The following IKBKE variants were observed in gnomAD, a reference collection of about 807,000 sequenced individuals.
IKBKE encodes inhibitor of nuclear factor kappa B kinase subunit epsilon, also known as inhibitor of nuclear factor kappa-B kinase subunit epsilon.
Under a neutral mutation model 92.1 loss-of-function variants are expected in IKBKE, and 45 were observed. The ratio of observed to expected loss-of-function variants is 0.49; its 90% CI spans 0.38 to 0.63. IKBKE has a LOEUF of 0.63. Among genes scored for constraint, IKBKE ranks in the 20% least tolerant of loss-of-function variants. The probability of loss-of-function intolerance (pLI) is 0.00; values close to 1 mark genes in which losing one functional copy is unlikely to be tolerated. For synonymous variants in IKBKE, 374 were observed against 380.3 expected, an observed-to-expected ratio of 0.98 and a Z score of 0.19; for missense variants, 700 against 932.8, an observed-to-expected ratio of 0.75 and a Z score of 3.25.
At chr1:206,479,201 T>G in intron 10 of IKBKE, 68 bp downstream of exon 10, 1 of 1,283,334 alleles carries the variant, frequency 7.8e-7, no homozygotes, top group Non-Finnish European at 1.1e-6. Context: ...GAGTTTGCAA[T>G]CCAGGCCATT....
Position 206,476,251 on chromosome 1 carries a change from C to G in IKBKE, c.429C>G (p.Arg143=). The G allele has an allele frequency of 2.5e-6, 4 of 1,614,120 alleles. No individual in the cohort carries two copies. The highest frequency in any genetic ancestry group is 3.4e-6 in the Non-Finnish European group (4 of 1,179,996). The part of the protein sequence containing the change: ...HRDIKPGNIM[R]LVGEEGQSIY... The stretch of plus-strand genomic sequence containing the variant: ...ACATCAAGCCGGGGAACATCATGCG[C>G]CTCGTAGGGGAGGAGGGGCAGAGCA... The change falls in exon 6 of 22, where the codon CGC becomes CGG. Residue 143 remains arginine (R), a synonymous_variant. Transcript: ENST00000581977. This position sits in a 1 kb window ranked among gnomAD's most constrained non-coding sequence, Gnocchi z 5.1.
chr1:206,492,715 T>C, intron 18 of IKBKE: 1 of 546,394 alleles, frequency 1.8e-6, no homozygotes, highest in Non-Finnish European at 3.6e-6. Context: ...TCTGCCTCTC[T>C]GCAGCCTGAC....
chr1:206,478,870 T>G lies in IKBKE; in HGVS notation c.993-73T>G. On this transcript the variant is annotated intron_variant, in intron 9 of 21. Coordinates refer to ENST00000581977, the MANE Select transcript of IKBKE (RefSeq NM_014002.4). The surrounding 1 kb of genome is among the most constrained non-coding windows in gnomAD (Gnocchi z 4.8). ...TCTATGGGCAACGCTTAGCTGGGGC[T>G]TAGGTCACCCTAGCCCCCTGCCTTG... 8.6e-7 allele frequency: 1 copy of G among 1,168,190 alleles called. No individual in the cohort carries two copies. Among genetic ancestry groups the G allele is most frequent in the East Asian group, 2.3e-5 (1 of 42,830 alleles). 72.4% of individuals were successfully genotyped at this position (1,168,190 alleles called of 1,614,324 possible). A position where few individuals can be genotyped will look rare whatever the true frequency, so the allele number is the denominator to read the frequency against.
rs936095750 is a variant in IKBKE, at chr1:206,485,693, T to A, written c.1616+387T>A. ...TAATGATGCTATGATAATGCCCTTT[T>A]TATAGAACCTCAGTCAGTGAGGTTA... On this transcript the variant is annotated intron_variant, in intron 15 of 21. Transcript: ENST00000581977. The surrounding 1 kb of genome is among the most constrained non-coding windows in gnomAD (Gnocchi z 5.0). Among the ~76,000 whole-genome samples the A allele has an allele frequency of 6.6e-6, 1 of 152,232 alleles. No individual in the cohort carries two copies. Among genetic ancestry groups the A allele is most frequent in the African/African-American group, 2.4e-5 (1 of 41,454 alleles).
Position 206,479,090 on chromosome 1 carries a change from C to A in IKBKE, c.1140C>A (p.Thr380=), listed in dbSNP as rs1665226829. ...IAHTTASSPL[T]LFSTAIPKGL... ...ACACGACGGCAAGCAGCCCCCTGACCCTCTTCAGCACAGCCATCCCTAAGG... is the reference window on the plus strand; with the variant it reads ...ACACGACGGCAAGCAGCCCCCTGACACTCTTCAGCACAGCCATCCCTAAGG... The change falls in exon 10 of 22, where the codon ACC becomes ACA. Residue 380 remains threonine (T), a synonymous_variant. Coordinates refer to ENST00000581977, the MANE Select transcript of IKBKE (RefSeq NM_014002.4). 1.2e-6 allele frequency: 2 copies of A among 1,612,880 alleles called. No homozygotes were observed. The highest frequency in any genetic ancestry group is 2.2e-5 in the South Asian group (2 of 91,018).
chr1:206,479,061 G>A lies in IKBKE; in HGVS notation c.1111G>A (p.Ala371Thr), dbSNP rs17021877. 34,197 of 1,613,680 alleles carry A rather than the reference G, an allele frequency of 0.021. 594 individuals are homozygous for A. The highest frequency in any genetic ancestry group is 0.053 in the South Asian group (4,791 of 91,062). ...LEPSVSAQHI[A>T]HTTASSPLTL... is the part of the protein sequence containing the mutation. ...GCCCAGCGTCTCAGCACAGCACATC[G>A]CCCACACGACGGCAAGCAGCCCCCT... The change falls in exon 10 of 22, where the codon GCC becomes ACC. Residue 371 changes from alanine to threonine, a missense_variant. Transcript: ENST00000581977.
At position 206,493,530 on chromosome 1, in the gene IKBKE, G is replaced by A. The variant is rs1666061851; in HGVS notation, c.2045+152G>A. On this transcript the variant is annotated intron_variant, in intron 20 of 21. Transcript: ENST00000581977. ...TAGCTGGGTGCGGTGGCTCACACCTGTAATCCCAGCACTTTGAGAGGCCAA... is the reference window on the plus strand; with the variant it reads ...TAGCTGGGTGCGGTGGCTCACACCTATAATCCCAGCACTTTGAGAGGCCAA... 10 of 620,872 alleles carry A rather than the reference G, an allele frequency of 1.6e-5. No homozygotes were observed. In the South Asian group the frequency reaches 2.0e-4, roughly 13 times the overall value. 38.5% of individuals were successfully genotyped at this position (620,872 alleles called of 1,614,324 possible). A position where few individuals can be genotyped will look rare whatever the true frequency, so the allele number is the denominator to read the frequency against.
At position 206,479,862 on chromosome 1, in the gene IKBKE, G is replaced by T. The variant is rs782312470; in HGVS notation, c.1184-8G>T. The stretch of plus-strand genomic sequence containing the variant: ...GGCAGGCCCCTCAGACAGGGTCTTT[G>T]TCTGCAGCTGCTCTGGACGTCCCCA... On this transcript the variant is annotated splice_polypyrimidine_tract_variant and splice_region_variant and intron_variant, in intron 10 of 21. Coordinates refer to ENST00000581977, the MANE Select transcript of IKBKE (RefSeq NM_014002.4). The T allele has an allele frequency of 4.3e-6, 7 of 1,613,616 alleles. No individual in the cohort carries two copies. Among genetic ancestry groups the T allele is most frequent in the Non-Finnish European group, 5.9e-6 (7 of 1,179,928 alleles).
In IKBKE at chr1:206,474,471, G is replaced by T. The variant is rs782138160; in HGVS notation, c.228G>T (p.Thr76=). Reference sequence around the variant, plus strand: ...TCAAGCTCTTTGCGGTGGAGGAGACGGTAGGTCCGGTGCTTGGTCAGAGAA... The same window carrying T: ...TCAAGCTCTTTGCGGTGGAGGAGACTGTAGGTCCGGTGCTTGGTCAGAGAA... ...NIVKLFAVEE[T]GGSRQKVLVM... is the part of the protein sequence containing the mutation. Residue 76 remains threonine (T), a splice_region_variant and synonymous_variant, in exon 4 of 22, where the codon ACG becomes ACT. Transcript: ENST00000581977. 6.2e-7 allele frequency: 1 copy of T among 1,612,096 alleles called. No homozygotes were observed. Among genetic ancestry groups the T allele is most frequent in the South Asian group, 1.1e-5 (1 of 90,726 alleles).
In IKBKE at chr1:206,490,792, G is replaced by T; in HGVS notation, c.1694-27G>T. 1 of 1,612,584 alleles carries T rather than the reference G, an allele frequency of 6.2e-7. No homozygotes were observed. The highest frequency in any genetic ancestry group is 1.1e-5 in the South Asian group (1 of 91,046). ...TGTTTCGTTGACTGATTGAATAGGT[G>T]ACATCTGTTCTGTCTGTTTCCTCCA... On this transcript the variant is annotated intron_variant, in intron 16 of 21. Transcript: ENST00000581977. The surrounding 1 kb of genome is among the most constrained non-coding windows in gnomAD (Gnocchi z 5.2).
At chr1:206,472,801 T>C in intron 2 of IKBKE, 1 of 251,484 alleles carries the variant, frequency 4.0e-6, no homozygotes. Context: ...TCCTATACTG[T>C]TTCTGTTTCC....
chr1:206,494,390 G>A (rs1379463895), intron 21 of IKBKE, among the ~76,000 whole-genome samples: 3 of 152,050 alleles, frequency 2.0e-5, no homozygotes, highest in East Asian at 3.9e-4. Context: ...CCTTGGATAC[G>A]ATGCCCAAGG....
chr1:206,490,795 A>C lies in IKBKE; in HGVS notation c.1694-24A>C. The C allele has an allele frequency of 6.2e-7, 1 of 1,613,334 alleles. No homozygotes were observed. On this transcript the variant is annotated intron_variant, in intron 16 of 21. Transcript: ENST00000581977. The surrounding 1 kb of genome is among the most constrained non-coding windows in gnomAD (Gnocchi z 5.2). The stretch of plus-strand genomic sequence containing the variant: ...TTCGTTGACTGATTGAATAGGTGAC[A>C]TCTGTTCTGTCTGTTTCCTCCAGGG...
At position 206,494,372 on chromosome 1, in the gene IKBKE, C is replaced by T. The variant is rs142376111; in HGVS notation, c.2117+381C>T. On this transcript the variant is annotated intron_variant, in intron 21 of 21. Coordinates refer to ENST00000581977, the MANE Select transcript of IKBKE (RefSeq NM_014002.4). ...CATGTGCTACCCCAGGAAGCCACAG[C>T]GCAGACACCTTGGATACGATGCCCA... Among the ~76,000 whole-genome samples, 8 of 152,228 alleles carry T rather than the reference C, an allele frequency of 5.3e-5. No individual in the cohort carries two copies. In the East Asian group the frequency reaches 7.7e-4, roughly 15 times the overall value.
At chr1:206,480,174 G>A in intron 12 of IKBKE, 61 bp downstream of exon 12, 1 of 772,454 alleles carries the variant, frequency 1.3e-6, no homozygotes, top group Non-Finnish European at 1.9e-6. Flanking sequence ...AGGCGGACAG[G>A]AGGGGGAGTG....
rs782686680 is a variant in IKBKE at position 206,480,057 on chromosome 1, G to A, written c.1284G>A (p.Leu428=). Residue 428 remains leucine, a synonymous_variant, in exon 12 of 22, where the codon CTG becomes CTA. Coordinates refer to ENST00000581977, the MANE Select transcript of IKBKE (RefSeq NM_014002.4). Reference sequence around the variant, plus strand: ...GCGCCGGCTACCAGGCCCTGCGGCTGGCACGGGCCCTGCTGGATGGGCAGG... The same window carrying A: ...GCGCCGGCTACCAGGCCCTGCGGCTAGCACGGGCCCTGCTGGATGGGCAGG... ...VLGAGYQALR[L]ARALLDGQEL... The A allele has an allele frequency of 6.2e-7, 1 of 1,605,162 alleles. No homozygotes were observed. Among genetic ancestry groups the A allele is most frequent in the Non-Finnish European group, 8.5e-7 (1 of 1,176,588 alleles).
At position 206,481,851 on chromosome 1, in the gene IKBKE, C is replaced by G. The variant is rs951411249; in HGVS notation, c.1427+1318C>G. ...CTGGAGTGCAGTGGCGCGATCTCGG[C>G]TCACTGCAAGCTCCGCCTCCCGGGT... On this transcript the variant is annotated intron_variant, in intron 13 of 21. Transcript: ENST00000581977. Among the ~76,000 whole-genome samples, 79 of 139,812 alleles carry G rather than the reference C, an allele frequency of 5.7e-4. 1 individual carries two copies. Among genetic ancestry groups the G allele is most frequent in the Admixed American group, 5.5e-3 (71 of 12,826 alleles). 91.7% of individuals were successfully genotyped at this position (139,812 alleles called of 152,430 possible).
intron 7 of IKBKE, among the ~76,000 whole-genome samples, chr1:206,477,073 C>G (rs569333393): frequency 6.6e-6 from 1 of 152,232 alleles, no homozygotes; most frequent in Non-Finnish European, 1.5e-5. Context: ...CGGTGCTTCA[C>G]TCTAGCCCTC....
chr1:206,494,592 C>CTTTTCTTTTTTTTTT (rs1666126346), intron 21 of IKBKE, among the ~76,000 whole-genome samples: 1 of 63,900 alleles, frequency 1.6e-5, no homozygotes, highest in Admixed American at 2.1e-4. Flanking sequence ...AAAGTTCTTT[C>CTTTTCTTTTTTTTTT]TTTTTTTTTT....
Sources: allele counts gnomAD v4.1 joint callset (sites outside exome capture counted in the v4.1 genomes callset), GRCh38; gene constraint gnomAD v4.1.1; non-coding constraint Gnocchi (gnomAD v3.1); transcripts MANE v1.5; gene names NCBI Gene and HGNC (gene_info 2026-07-23, HGNC 2026-07-21).